The following TMPRSS11F variants were observed in gnomAD, a reference collection of about 807,000 sequenced individuals.
The protein encoded by TMPRSS11F is transmembrane serine protease 11F.
Under a neutral mutation model 60.2 loss-of-function variants are expected in TMPRSS11F, and 47 were observed. The ratio of observed to expected loss-of-function variants is 0.78; its 90% CI spans 0.62 to 1.00. The LOEUF (loss-of-function observed/expected upper bound fraction) is 1.00, where lower values mean the gene tolerates loss of function less well. Among genes scored for constraint, TMPRSS11F ranks in the 50% least tolerant of loss-of-function variants. The pLI is 0.00. For missense variants in TMPRSS11F, 519 were observed against 522.9 expected (o/e 0.99, Z 0.07); for synonymous variants, 166 against 167.3 (o/e 0.99, Z 0.06).
intron 3 of TMPRSS11F, among the ~76,000 whole-genome samples, chr4:68,075,212 C>T (rs199835727): frequency 9.6e-4 from 146 of 152,110 alleles, no homozygotes; most frequent in African/African-American, 3.4e-3. Flanking sequence ...ATGTTAAATC[C>T]ACTTTCCTTG....
chr4:68,072,340 G>C lies in TMPRSS11F; in HGVS notation c.497C>G (p.Pro166Arg). The C allele has an allele frequency of 6.3e-7, 1 of 1,579,622 alleles. No individual in the cohort carries two copies. Among genetic ancestry groups the C allele is most frequent in the Non-Finnish European group, 8.6e-7 (1 of 1,161,734 alleles). ...AGACTTACGTGTGAGTCTAAATGAT[G>C]GTTTGTTTATGGTCAAAGACAATTG... ...TKQLSLTINK[P>R]SFRLTPIDSK... is the part of the protein sequence containing the mutation. The change falls in exon 5 of 10, where the codon CCA becomes CGA. Residue 166 changes from proline (P) to arginine (R), a missense_variant. By Grantham distance (103) the Pro-to-Arg change is moderately radical (BLOSUM62 -2). Coordinates refer to ENST00000356291, the MANE Select transcript of TMPRSS11F (RefSeq NM_207407.2).
At chr4:68,095,274 A>T (rs1724049056) in intron 2 of TMPRSS11F, among the ~76,000 whole-genome samples, 1 of 152,014 alleles carries the variant, frequency 6.6e-6, no homozygotes, top group East Asian at 1.9e-4. Flanking sequence ...TAATACATAC[A>T]ACTGACAATG....
At position 68,084,251 on chromosome 4, in the gene TMPRSS11F, T is replaced by C. The variant is rs188977920; in HGVS notation, c.282+6272A>G. On this transcript the variant is annotated intron_variant, in intron 3 of 9. Coordinates refer to ENST00000356291, the MANE Select transcript of TMPRSS11F (RefSeq NM_207407.2). ...ACAACTTGCAAAACATATTTAAGCA[T>C]AGGATCCACAAAAATCTCCCCAATC... is the stretch of plus-strand genomic sequence containing the variant. Among the ~76,000 whole-genome samples, 74 of 152,204 alleles carry C rather than the reference T, an allele frequency of 4.9e-4. 2 individuals carry two copies. The highest frequency in any genetic ancestry group is 4.7e-3 in the Admixed American group (72 of 15,292).
intron 8 of TMPRSS11F, chr4:68,062,266 C>T (rs564860825): frequency 4.4e-4 from 187 of 421,912 alleles, no homozygotes; most frequent in African/African-American, 3.6e-3. Flanking sequence ...TTAAAATTAA[C>T]TTCAAATCAA....
At chr4:68,099,505 T>C (rs887619230) in intron 1 of TMPRSS11F, among the ~76,000 whole-genome samples, 1 of 152,192 alleles carries the variant, frequency 6.6e-6, no homozygotes, top group Non-Finnish European at 1.5e-5. Context: ...ATTCCACCAC[T>C]CATGAGCATC....
At chr4:68,057,759 T>A (rs889616251) in intron 9 of TMPRSS11F, among the ~76,000 whole-genome samples, 1 of 152,068 alleles carries the variant, frequency 6.6e-6, no homozygotes, top group Non-Finnish European at 1.5e-5. Flanking sequence ...ATGAAAAAAA[T>A]GCTCAGTATT....
chr4:68,064,627 T>C, intron 8 of TMPRSS11F, 58 bp downstream of exon 8: 1 of 1,563,594 alleles, frequency 6.4e-7, no homozygotes, highest in Non-Finnish European at 8.7e-7. Context: ...TTAAGATAGA[T>C]AGCTCGTTTG....
At chr4:68,104,978 G>A (rs996458203) in intron 1 of TMPRSS11F, among the ~76,000 whole-genome samples, 3 of 127,244 alleles carry the variant, frequency 2.4e-5, no homozygotes, top group African/African-American at 8.6e-5. Context: ...TTTTCCTTGT[G>A]ATGTCTTTGT....
chr4:68,082,210 C>T (rs1221781337), intron 3 of TMPRSS11F, among the ~76,000 whole-genome samples: 2 of 152,108 alleles, frequency 1.3e-5, no homozygotes, highest in Non-Finnish European at 2.9e-5. Context: ...GACTGTGAGG[C>T]AATTCACTCT....
chr4:68,083,818 T>A (rs1402070041), intron 3 of TMPRSS11F, among the ~76,000 whole-genome samples: 1 of 152,142 alleles, frequency 6.6e-6, no homozygotes, highest in Admixed American at 6.6e-5. Context: ...TCCCCAGCAA[T>A]GTTTCTTAAC....
At position 68,090,577 on chromosome 4, in the gene TMPRSS11F, A is replaced by G. The variant is rs1484420129; in HGVS notation, c.228T>C (p.Tyr76=). Residue 76 remains tyrosine, a synonymous_variant, in exon 3 of 10, where the codon TAT becomes TAC. Coordinates refer to ENST00000356291, the MANE Select transcript of TMPRSS11F (RefSeq NM_207407.2). ...TAAACTCTCTTGAAGATCTTATGCCATAATTTTCTTTATATTTGATATTTG... is the reference window on the plus strand; with the variant it reads ...TAAACTCTCTTGAAGATCTTATGCCGTAATTTTCTTTATATTTGATATTTG... The part of the protein sequence containing the change: ...KVTNIKYKEN[Y]GIRSSREFIE... 1.2e-6 allele frequency: 2 copies of G among 1,602,180 alleles called. No homozygotes were observed. Among genetic ancestry groups the G allele is most frequent in the East Asian group, 2.2e-5 (1 of 44,534 alleles).
chr4:68,086,136 C>A (rs1723806230), intron 3 of TMPRSS11F, among the ~76,000 whole-genome samples: 1 of 151,978 alleles, frequency 6.6e-6, no homozygotes, highest in African/African-American at 2.4e-5. Flanking sequence ...GCCCATAAAG[C>A]AAGCCTGAAT....
At position 68,053,984 on chromosome 4, in the gene TMPRSS11F, T is replaced by G; in HGVS notation, c.1242A>C (p.Ala414=). ...TGTAGACTCCAGGTTTTTTGGGAAG[T>G]GCACATGATTGTCCCCAACTTACTA... ...VGIVSWGQSC[A]LPKKPGVYTR... is the part of the protein sequence containing the mutation. The change falls in exon 10 of 10, where the codon GCA becomes GCC. Residue 414 remains alanine, a synonymous_variant. Coordinates refer to ENST00000356291, the MANE Select transcript of TMPRSS11F (RefSeq NM_207407.2). 1 of 1,612,620 alleles carries G rather than the reference T, an allele frequency of 6.2e-7. No homozygotes were observed. Among genetic ancestry groups the G allele is most frequent in the Non-Finnish European group, 8.5e-7 (1 of 1,179,298 alleles).
chr4:68,087,834 G>A (rs554873948), intron 3 of TMPRSS11F, among the ~76,000 whole-genome samples: 1 of 150,398 alleles, frequency 6.6e-6, no homozygotes, highest in South Asian at 2.1e-4. Context: ...TCATCATCTA[G>A]CATTAGGTAT....
chr4:68,061,711 G>T (rs940970975), intron 8 of TMPRSS11F: 7 of 386,714 alleles, frequency 1.8e-5, no homozygotes, highest in Non-Finnish European at 3.1e-5. Context: ...ATCACTGAAA[G>T]AAATTTTAAA....
At chr4:68,060,515 CAAAAAAAAA>C (rs71218926) in intron 8 of TMPRSS11F, among the ~76,000 whole-genome samples, 5 of 29,638 alleles carry the variant, frequency 1.7e-4, no homozygotes, top group Non-Finnish European at 1.6e-4. Context: ...GACTCCAACT[CAAAAAAAAA>C]AAAAAAAAAA....
At chr4:68,112,171 T>C (rs1282839701) in intron 1 of TMPRSS11F, among the ~76,000 whole-genome samples, 1 of 152,222 alleles carries the variant, frequency 6.6e-6, no homozygotes, top group African/African-American at 2.4e-5. Flanking sequence ...GTCAAGCATT[T>C]ATTATTTTCA....
chr4:68,129,333 A>T (rs1724775049), intron 1 of TMPRSS11F, among the ~76,000 whole-genome samples: 1 of 152,150 alleles, frequency 6.6e-6, no homozygotes, highest in Admixed American at 6.5e-5. Flanking sequence ...CACTCATGAT[A>T]TACAAAATAA....
chr4:68,108,965 C>CT (rs1158562039), intron 1 of TMPRSS11F, among the ~76,000 whole-genome samples: 4 of 152,194 alleles, frequency 2.6e-5, no homozygotes, highest in African/African-American at 9.6e-5. Context: ...CTAACATCCA[C>CT]TTTATCAGAA....
Sources: allele counts gnomAD v4.1 joint callset (sites outside exome capture counted in the v4.1 genomes callset), GRCh38; gene constraint gnomAD v4.1.1; transcripts MANE v1.5; gene names NCBI Gene and HGNC (gene_info 2026-07-23, HGNC 2026-07-21).